Variants in WNT8A observed in about 807,000 individuals in gnomAD.
The protein encoded by WNT8A is protein Wnt-8a.
A neutral mutation model predicts 20.5 loss-of-function variants in WNT8A; 14 were observed. The ratio of observed to expected loss-of-function variants is 0.68; its 90% CI spans 0.45 to 1.07. WNT8A has a LOEUF of 1.07. Ranked by LOEUF, WNT8A falls within the 50% of genes least tolerant of loss-of-function variation. The pLI is 0.00. For missense variants in WNT8A, 397 were observed against 462.9 expected, an observed-to-expected ratio of 0.86 and a Z score of 1.31; for synonymous variants, 167 against 169.2, an observed-to-expected ratio of 0.99 and a Z score of 0.10.
At chr5:138,083,674 CTG>C (rs1398471524), upstream of WNT8A, among the ~76,000 whole-genome samples, 7 of 152,178 alleles carry the variant, frequency 4.6e-5, no homozygotes, top group African/African-American at 1.4e-4. Flanking sequence ...GATGAGGACA[CTG>C]TAGCTCCAAG....
At chr5:138,084,338 T>G in intron 1 of WNT8A, 55 bp downstream of exon 1, 1 of 1,599,990 alleles carries the variant, frequency 6.3e-7, no homozygotes, top group African/African-American at 1.3e-5. Flanking sequence ...AGGGGACTCT[T>G]CTGGAGAAAA....
chr5:138,089,605 C>T lies in WNT8A; in HGVS notation c.564+536C>T, dbSNP rs187626279. Reference sequence around the variant, plus strand: ...TTTAGAGCCAAAAGCATAGAAATTTCCTGTGAACCTATACCTAGATATCCT... The same window carrying T: ...TTTAGAGCCAAAAGCATAGAAATTTTCTGTGAACCTATACCTAGATATCCT... On this transcript the variant is annotated intron_variant, in intron 4 of 4. Coordinates refer to ENST00000506684, the MANE Select transcript of WNT8A (RefSeq NM_001300939.2). Among the ~76,000 whole-genome samples, 53 of 152,266 alleles carry T rather than the reference C, an allele frequency of 3.5e-4. No homozygotes were observed. The East Asian group carries it at 0.01, about 29-fold the overall frequency.
In WNT8A at chr5:138,085,853, CAAAAAA is replaced by C. The variant is rs11377173; in HGVS notation, c.295+1234_295+1239del. Among the ~76,000 whole-genome samples the C allele has an allele frequency of 1.2e-4, 9 of 74,924 alleles. No homozygotes were observed. In the East Asian group the frequency reaches 1.7e-3, roughly 14 times the overall value. 49.2% of individuals were successfully genotyped at this position (74,924 alleles called of 152,430 possible). On this transcript the variant is annotated intron_variant, in intron 2 of 4. Coordinates refer to ENST00000506684, the MANE Select transcript of WNT8A (RefSeq NM_001300939.2). ...TGGGTGACAGAGCAAGACCTTGTCTCAAAAAAAAAAAAAAAAAAAAAAGATGAGGTT... is the reference window on the plus strand; with the variant it reads ...TGGGTGACAGAGCAAGACCTTGTCTCAAAAAAAAAAAAAAAAGATGAGGTT...
At chr5:138,079,304 T>C (rs555969666), upstream of WNT8A, among the ~76,000 whole-genome samples, 1 of 147,404 alleles carries the variant, frequency 6.8e-6, no homozygotes, top group South Asian at 2.1e-4. Flanking sequence ...AATTATATTA[T>C]AATTATTATT....
At chr5:138,080,444 G>GTTTTTTTTTTTTTTTTT, upstream of WNT8A, among the ~76,000 whole-genome samples, 1 of 55,974 alleles carries the variant, frequency 1.8e-5, no homozygotes, top group Admixed American at 2.5e-4. Flanking sequence ...TGTAAATCTT[G>GTTTTTTTTTTTTTTTTT]TTTTTTTTTT....
chr5:138,087,426 G>A (rs186537088), intron 2 of WNT8A, among the ~76,000 whole-genome samples: 2 of 151,954 alleles, frequency 1.3e-5, no homozygotes, highest in Admixed American at 6.6e-5. Context: ...AGGCCAAGGA[G>A]GGCAGATCAT....
At chr5:138,082,395 C>T (rs991798573), upstream of WNT8A, among the ~76,000 whole-genome samples, 2 of 151,968 alleles carry the variant, frequency 1.3e-5, no homozygotes, top group African/African-American at 4.8e-5. Flanking sequence ...GCCTGGCCAA[C>T]ATAGGGAAAC....
chr5:138,079,971 C>T (rs10059990), upstream of WNT8A, among the ~76,000 whole-genome samples: 1,367 of 152,260 alleles, frequency 9.0e-3, 20 homozygotes, highest in African/African-American at 0.031. Context: ...ATTGGTTATC[C>T]TCCAGGTATC....
upstream of WNT8A, among the ~76,000 whole-genome samples, chr5:138,082,702 A>C (rs1750538643): frequency 6.6e-6 from 1 of 151,254 alleles, no homozygotes; most frequent in Non-Finnish European, 1.5e-5. Context: ...ACATGGTGAA[A>C]CCCGTCTCTA....
intron 4 of WNT8A, 52 bp from the exon 5 acceptor site, chr5:138,090,476 C>A: frequency 6.6e-7 from 1 of 1,506,510 alleles, no homozygotes. Context: ...TAATCACTAA[C>A]CTTTGGTCTT....
At position 138,091,025 on chromosome 5, in the gene WNT8A, C is replaced by T. The variant is rs746718660; in HGVS notation, c.1062C>T (p.Cys354=). ...QCRHVVSKYY[C]ARSPGSAQSL... ...GGCATGTGGTGAGCAAGTATTACTGCGCACGCTCCCCAGGCAGTGCCCAGT... is the reference window on the plus strand; with the variant it reads ...GGCATGTGGTGAGCAAGTATTACTGTGCACGCTCCCCAGGCAGTGCCCAGT... Residue 354 remains cysteine, a synonymous_variant, in exon 5 of 5, where the codon TGC becomes TGT. Coordinates refer to ENST00000506684, the MANE Select transcript of WNT8A (RefSeq NM_001300939.2). 88 of 1,613,776 alleles carry T rather than the reference C, an allele frequency of 5.5e-5. No individual in the cohort carries two copies. The highest frequency in any genetic ancestry group is 8.9e-5 in the East Asian group (4 of 44,890).
upstream of WNT8A, among the ~76,000 whole-genome samples, chr5:138,082,796 G>C (rs1353673646): frequency 1.3e-5 from 2 of 151,686 alleles, no homozygotes; most frequent in African/African-American, 4.8e-5. Context: ...AGAATTGCTC[G>C]ATCCCAGGAA....
chr5:138,091,324 C>G lies in WNT8A; in HGVS notation c.*251C>G, dbSNP rs374400304. On this transcript the variant is annotated 3_prime_UTR_variant, in exon 5 of 5. Coordinates refer to ENST00000506684, the MANE Select transcript of WNT8A (RefSeq NM_001300939.2). ...TCATCTTTCCTGCAAACTACTTTCCCATCTTTGTGCCTGTACTTATGCAGC... is the reference window on the plus strand; with the variant it reads ...TCATCTTTCCTGCAAACTACTTTCCGATCTTTGTGCCTGTACTTATGCAGC... 4.0e-6 allele frequency: 6 copies of G among 1,492,454 alleles called. No individual in the cohort carries two copies. The highest frequency in any genetic ancestry group is 5.4e-6 in the Non-Finnish European group (6 of 1,113,460). The allele number at this position is 1,492,454 out of a possible 1,614,324, so 92.5% of individuals were successfully genotyped here.
downstream of WNT8A, among the ~76,000 whole-genome samples, chr5:138,091,838 A>ACACTCCAGCCTGGGCAACAGAACTG (rs71765841): frequency 3.7e-5 from 5 of 136,218 alleles, no homozygotes; most frequent in South Asian, 2.3e-4. Context: ...AAAATAAATA[A>ACACTCCAGCCTGGGCAACAGAACTG]ATAAATAAAT....
upstream of WNT8A, chr5:138,083,911 C>T: frequency 1.8e-6 from 1 of 555,250 alleles, no homozygotes. Context: ...TCCCAGATCC[C>T]CCACTGGGCC....
chr5:138,087,970 G>A (rs747600913), intron 3 of WNT8A, 39 bp downstream of exon 3: 4 of 1,609,836 alleles, frequency 2.5e-6, no homozygotes, highest in Admixed American at 3.3e-5. Flanking sequence ...AAGAGGTGAG[G>A]GGCTACAGAG....
At chr5:138,081,384 A>T (rs1045423257), upstream of WNT8A, among the ~76,000 whole-genome samples, 1 of 152,094 alleles carries the variant, frequency 6.6e-6, no homozygotes, top group Non-Finnish European at 1.5e-5. Flanking sequence ...AGCGGAGAAC[A>T]CAGAAGCATA....
chr5:138,091,812 C>T (rs1488166540), downstream of WNT8A, among the ~76,000 whole-genome samples: 1 of 151,468 alleles, frequency 6.6e-6, no homozygotes, highest in Non-Finnish European at 1.5e-5. Context: ...GGCAACAGAA[C>T]TGAGACCCTG....
rs776513869 is a variant in WNT8A at position 138,090,558 on chromosome 5, A to C, written c.595A>C (p.Lys199Gln). The change falls in exon 5 of 5, where the codon AAA becomes CAA. Residue 199 changes from lysine to glutamine, a missense_variant. Lys to Gln is a moderately conservative substitution (Grantham distance 53, BLOSUM62 1). Coordinates refer to ENST00000506684, the MANE Select transcript of WNT8A (RefSeq NM_001300939.2). ...GAGAGCCACCATGAAAAGGACATGC[A>C]AATGTCATGGCATCTCTGGGAGCTG... ...AVRATMKRTC[K>Q]CHGISGSCSI... 7.4e-6 allele frequency: 12 copies of C among 1,614,022 alleles called. No homozygotes were observed.
Sources: gnomAD v4.1 joint callset for allele counts (sites outside exome capture counted in the v4.1 genomes callset) on GRCh38, gnomAD v4.1.1 for gene constraint, MANE v1.5 for transcripts, NCBI Gene and HGNC (gene_info 2026-07-23, HGNC 2026-07-21) for gene names.